The following DCDC1 variants were observed in gnomAD, a reference collection of about 807,000 sequenced individuals.
DCDC1 encodes doublecortin domain-containing protein 1.
DCDC1 carries 200 observed loss-of-function variants against 178.3 expected under a neutral mutation model. That is an observed-to-expected ratio of 1.12 (90% confidence interval 1.00 to 1.26). The LOEUF (loss-of-function observed/expected upper bound fraction) is 1.26. Among genes scored for constraint, DCDC1 ranks in the 50% most tolerant of loss-of-function variants. The pLI, the probability that DCDC1 is intolerant of heterozygous loss-of-function variation, is 0.00. For missense variants in DCDC1, 1,983 were observed against 1,749.2 expected (o/e 1.13, Z -2.38); for synonymous variants, 690 against 604.8 (o/e 1.14, Z -2.07).
intron 20 of DCDC1, among the ~76,000 whole-genome samples, chr11:31,058,513 A>G (rs1955729045): frequency 6.6e-6 from 1 of 152,104 alleles, no homozygotes; most frequent in African/African-American, 2.4e-5. Flanking sequence ...ATGATAGGGT[A>G]TGAGCATGTA....
intron 20 of DCDC1, among the ~76,000 whole-genome samples, chr11:30,973,656 G>A (rs1231586919): frequency 6.6e-6 from 1 of 152,124 alleles, no homozygotes; most frequent in African/African-American, 2.4e-5. Flanking sequence ...GACAAAGAAA[G>A]TCATTATATA....
intron 9 of DCDC1, among the ~76,000 whole-genome samples, chr11:31,180,547 A>C (rs1565394324): frequency 6.6e-6 from 1 of 152,030 alleles, no homozygotes; most frequent in Non-Finnish European, 1.5e-5. Context: ...CAGACCATGG[A>C]GGGTGAGCTG....
chr11:31,083,185 A>G (rs1475095456), intron 17 of DCDC1, among the ~76,000 whole-genome samples: 2 of 152,202 alleles, frequency 1.3e-5, no homozygotes, highest in African/African-American at 2.4e-5. Flanking sequence ...AAAAAAATGG[A>G]TGCAAAAAGC....
chr11:31,199,521 G>T (rs778177284), intron 9 of DCDC1, among the ~76,000 whole-genome samples: 19 of 152,050 alleles, frequency 1.2e-4, no homozygotes, highest in Non-Finnish European at 2.5e-4. Flanking sequence ...ACTGTCACAT[G>T]GCAGATACTA....
At position 31,351,845 on chromosome 11, in the gene DCDC1, G is replaced by A. The variant is rs190076006; in HGVS notation, c.-124-16281C>T. 2.8e-4 allele frequency among the ~76,000 whole-genome samples: 42 copies of A among 152,026 alleles called. 1 individual carries two copies. The highest frequency in any genetic ancestry group is 8.5e-4 in the African/African-American group (35 of 41,416). The stretch of plus-strand genomic sequence containing the variant: ...TCCAGGAACTACTACTTGAGTAAAC[G>A]ATCTTTTCTTTCTCCACTCCCCTAA... On this transcript the variant is annotated intron_variant, in intron 1 of 38. Coordinates refer to ENST00000684477, the MANE Select transcript of DCDC1 (RefSeq NM_001387274.1).
intron 34 of DCDC1, among the ~76,000 whole-genome samples, chr11:30,897,001 T>C (rs530267983): frequency 6.6e-6 from 1 of 152,350 alleles, no homozygotes; most frequent in African/African-American, 2.4e-5. Context: ...TAGCCAACCC[T>C]GAGGAAGCTC....
At chr11:30,954,208 G>C (rs928094771) in intron 20 of DCDC1, among the ~76,000 whole-genome samples, 8 of 151,350 alleles carry the variant, frequency 5.3e-5, no homozygotes, top group Non-Finnish European at 1.2e-4. Context: ...GTAGAGACGG[G>C]GTTTCACCGT....
intron 20 of DCDC1, among the ~76,000 whole-genome samples, chr11:30,953,017 A>G (rs1948525072): frequency 6.6e-6 from 1 of 151,952 alleles, no homozygotes; most frequent in Non-Finnish European, 1.5e-5. Flanking sequence ...AAAATATCTG[A>G]ATGCTATAAG....
intron 9 of DCDC1, among the ~76,000 whole-genome samples, chr11:31,166,325 A>G (rs1008101102): frequency 3.9e-5 from 6 of 152,214 alleles, no homozygotes. Flanking sequence ...TTACTATTTT[A>G]TGTGAGAACC....
At chr11:31,348,848 T>C (rs1950935513) in intron 1 of DCDC1, among the ~76,000 whole-genome samples, 1 of 152,234 alleles carries the variant, frequency 6.6e-6, no homozygotes, top group African/African-American at 2.4e-5. Flanking sequence ...CTTCCTGGTG[T>C]TGTGTAAATA....
chr11:31,050,103 A>G (rs1020336530), intron 20 of DCDC1, among the ~76,000 whole-genome samples: 3 of 152,196 alleles, frequency 2.0e-5, no homozygotes, highest in African/African-American at 4.8e-5. Flanking sequence ...AGATAGCCTC[A>G]GGCAAATTTT....
chr11:31,112,584 T>A (rs1263290598), intron 11 of DCDC1, among the ~76,000 whole-genome samples: 1 of 152,148 alleles, frequency 6.6e-6, no homozygotes, highest in African/African-American at 2.4e-5. Flanking sequence ...CCTTGGGTCC[T>A]AAGGAATAAG....
intron 37 of DCDC1, 123 bp downstream of exon 37, chr11:30,881,035 G>A: frequency 9.0e-7 from 1 of 1,113,954 alleles, no homozygotes; most frequent in Non-Finnish European, 1.2e-6. Context: ...ATAACATGGA[G>A]TAGAAATGCT....
intron 8 of DCDC1, 173 bp from the exon 9 acceptor site, chr11:31,241,789 G>A (rs1977166370): frequency 5.4e-6 from 2 of 369,718 alleles, no homozygotes; most frequent in Admixed American, 4.6e-5. Context: ...CATGAAGGAT[G>A]TATTTATATT....
chr11:31,164,332 T>C (rs1320242938), intron 9 of DCDC1, among the ~76,000 whole-genome samples: 2 of 152,142 alleles, frequency 1.3e-5, no homozygotes, highest in African/African-American at 2.4e-5. Flanking sequence ...CATGGACATA[T>C]TTCTTAAAAG....
intron 1 of DCDC1, among the ~76,000 whole-genome samples, chr11:31,354,945 T>C (rs1375039221): frequency 6.6e-6 from 1 of 152,140 alleles, no homozygotes; most frequent in Non-Finnish European, 1.5e-5. Flanking sequence ...TGACCTTTTT[T>C]TCCCTGTAGA....
At chr11:31,187,883 T>G (rs1189699380) in intron 9 of DCDC1, among the ~76,000 whole-genome samples, 1 of 152,226 alleles carries the variant, frequency 6.6e-6, no homozygotes, top group African/African-American at 2.4e-5. Flanking sequence ...ACCAGCTGTT[T>G]CAAGTAAAGA....
intron 36 of DCDC1, among the ~76,000 whole-genome samples, chr11:30,883,970 A>C (rs1002033568): frequency 5.3e-5 from 8 of 151,896 alleles, no homozygotes; most frequent in Non-Finnish European, 1.0e-4. Context: ...CATAGAGAAA[A>C]AAAATGTGAA....
At chr11:31,271,978 T>C (rs1184619390) in intron 7 of DCDC1, among the ~76,000 whole-genome samples, 5 of 152,020 alleles carry the variant, frequency 3.3e-5, no homozygotes, top group Admixed American at 6.6e-5. Context: ...CTGGCCAACA[T>C]GGTTGATTCC....
Sources: allele counts gnomAD v4.1 joint callset (sites outside exome capture counted in the v4.1 genomes callset), GRCh38; gene constraint gnomAD v4.1.1; transcripts MANE v1.5; gene names NCBI Gene and HGNC (gene_info 2026-07-23, HGNC 2026-07-21).